NCOA2: variants seen among roughly 807,000 people sequenced by gnomAD.
NCOA2 encodes the protein class E basic helix-loop-helix protein 75.
NCOA2 carries 21 observed loss-of-function variants against 145.1 expected under a neutral mutation model. That is an observed-to-expected ratio of 0.14 (90% CI 0.10 to 0.21). The LOEUF (loss-of-function observed/expected upper bound fraction) is 0.21. NCOA2 is among the 10% of genes least tolerant of loss of function. The pLI, the probability that NCOA2 is intolerant of heterozygous loss-of-function variation, is 1.00. For missense variants in NCOA2, 1,472 were observed against 1,837.6 expected, an observed-to-expected ratio of 0.80 and a Z score of 3.64; for synonymous variants, 619 against 637.5, an observed-to-expected ratio of 0.97 and a Z score of 0.44.
chr8:70,359,213 G>A (rs933441022), intron 1 of NCOA2, among the ~76,000 whole-genome samples: 1 of 152,136 alleles, frequency 6.6e-6, no homozygotes, highest in Non-Finnish European at 1.5e-5. Context: ...ATATAACCCA[G>A]CAATTCCACT....
chr8:70,454,333 AG>A, the NCOA2 span, among the ~76,000 whole-genome samples: 17 of 152,224 alleles, frequency 1.1e-4, no homozygotes, highest in Admixed American at 4.6e-4. Context: ...ACTGTTCTTG[AG>A]AAAAGAGTGA....
At chr8:70,437,442 A>T in the NCOA2 span, among the ~76,000 whole-genome samples, 1 of 152,252 alleles carries the variant, frequency 6.6e-6, no homozygotes, top group Non-Finnish European at 1.5e-5. Context: ...TATTGAATGA[A>T]TACATGAATT....
rs79410761 is a variant in NCOA2, at chr8:70,213,118, C to T, written c.259+785G>A. ...CCAAAAAAAAAAAAAAAAAACCACA[C>T]CAGATTACAAAAGATAATAATCTCC... is the stretch of plus-strand genomic sequence containing the variant. On this transcript the variant is annotated intron_variant, in intron 4 of 22. Transcript: ENST00000452400. Among the ~76,000 whole-genome samples, 547 of 148,128 alleles carry T rather than the reference C, an allele frequency of 3.7e-3. 9 individuals carry two copies. Among genetic ancestry groups the T allele is most frequent in the African/African-American group, 0.013 (532 of 40,272 alleles).
chr8:70,127,532 C>T (rs371623634), intron 18 of NCOA2, among the ~76,000 whole-genome samples: 2 of 152,086 alleles, frequency 1.3e-5, no homozygotes, highest in African/African-American at 4.8e-5. Flanking sequence ...CTGATAAGAA[C>T]GCACAGAGAC....
intron 1 of NCOA2, among the ~76,000 whole-genome samples, chr8:70,299,070 C>T (rs1182515146): frequency 6.6e-6 from 1 of 151,748 alleles, no homozygotes; most frequent in East Asian, 1.9e-4. Context: ...AAAAAACAAA[C>T]AAACAAACAA....
At chr8:70,253,491 T>C (rs1183994216) in intron 2 of NCOA2, among the ~76,000 whole-genome samples, 1 of 151,990 alleles carries the variant, frequency 6.6e-6, no homozygotes, top group Non-Finnish European at 1.5e-5. Context: ...GGGACAATAG[T>C]TAGGAAGTGT....
At chr8:70,291,161 G>A (rs1156254512) in intron 2 of NCOA2, among the ~76,000 whole-genome samples, 2 of 152,042 alleles carry the variant, frequency 1.3e-5, no homozygotes, top group Non-Finnish European at 2.9e-5. Flanking sequence ...ACAACAAACA[G>A]ATATGTATTT....
At chr8:70,174,654 C>T in intron 5 of NCOA2, 102 bp downstream of exon 5, 1 of 1,084,602 alleles carries the variant, frequency 9.2e-7, no homozygotes, top group Non-Finnish European at 1.4e-6. Context: ...AGTACTAGTA[C>T]TAGTGTGGAT....
At chr8:70,180,185 A>C (rs1815317247) in intron 4 of NCOA2, among the ~76,000 whole-genome samples, 1 of 152,254 alleles carries the variant, frequency 6.6e-6, no homozygotes, top group African/African-American at 2.4e-5. Context: ...TAAAGAAATC[A>C]TAAAATATCT....
intron 1 of NCOA2, among the ~76,000 whole-genome samples, chr8:70,362,122 A>G (rs1428430450): frequency 6.6e-6 from 1 of 152,214 alleles, no homozygotes; most frequent in Non-Finnish European, 1.5e-5. Flanking sequence ...GAGCACAGAT[A>G]TTTACTGTAT....
Position 70,314,823 on chromosome 8 carries a change from C to G in NCOA2, c.-76-18023G>C, listed in dbSNP as rs543248113. Among the ~76,000 whole-genome samples, 32 of 152,256 alleles carry G rather than the reference C, an allele frequency of 2.1e-4. 1 individual carries two copies. The highest frequency in any genetic ancestry group is 7.2e-4 in the African/African-American group (30 of 41,542). ...AGAATTGAACCATGTTTCCTAAGGCCTACAAGAGAAACGCAAGTGTGCTAT... is the reference window on the plus strand; with the variant it reads ...AGAATTGAACCATGTTTCCTAAGGCGTACAAGAGAAACGCAAGTGTGCTAT... On this transcript the variant is annotated intron_variant, in intron 1 of 22. Coordinates refer to ENST00000452400, the MANE Select transcript of NCOA2 (RefSeq NM_006540.4).
At chr8:70,393,972 T>C (rs1332073134) in intron 1 of NCOA2, among the ~76,000 whole-genome samples, 1 of 152,198 alleles carries the variant, frequency 6.6e-6, no homozygotes, top group African/African-American at 2.4e-5. Context: ...TGGTATTACA[T>C]GTAATAGCTT....
intron 1 of NCOA2, among the ~76,000 whole-genome samples, chr8:70,353,407 G>A (rs1809415192): frequency 6.7e-6 from 1 of 149,792 alleles, no homozygotes; most frequent in Admixed American, 6.7e-5. Context: ...GTGCCACCAT[G>A]CCTGGCCAAA....
chr8:70,138,167 T>A (rs1809960505), intron 15 of NCOA2, 36 bp downstream of exon 15: 1 of 1,586,244 alleles, frequency 6.3e-7, no homozygotes, highest in Non-Finnish European at 8.5e-7. Flanking sequence ...TGGACAGGTA[T>A]AAAATAACTG....
intron 2 of NCOA2, among the ~76,000 whole-genome samples, chr8:70,267,431 GCTC>G (rs1340751938): frequency 5.5e-5 from 7 of 126,570 alleles, no homozygotes; most frequent in Non-Finnish European, 1.1e-4. Flanking sequence ...ATAGGGCCTC[GCTC>G]TGTCACCCAG....
chr8:70,376,766 C>T (rs1811701880), intron 1 of NCOA2, among the ~76,000 whole-genome samples: 1 of 152,160 alleles, frequency 6.6e-6, no homozygotes. Context: ...GTTATAGATA[C>T]AGACCAACAC....
Position 70,249,977 on chromosome 8 carries a change from A to AAAAAAAG in NCOA2, c.-19-33214_-19-33213insCTTTTTT, listed in dbSNP as rs751876043. On this transcript the variant is annotated intron_variant, in intron 2 of 22. Coordinates refer to ENST00000452400, the MANE Select transcript of NCOA2 (RefSeq NM_006540.4). ...GAATCTGCCTCCAAAAAAAAAAAAA[A>AAAAAAAG]AAGAAGAAGAAGAAGAAGAAGAAGA... Among the ~76,000 whole-genome samples, 747 of 137,802 alleles carry AAAAAAAG rather than the reference A, an allele frequency of 5.4e-3. 21 individuals carry two copies. Among genetic ancestry groups the AAAAAAAG allele is most frequent in the African/African-American group, 0.017 (611 of 35,950 alleles). 90.4% of individuals were successfully genotyped at this position (137,802 alleles called of 152,430 possible). A position where few individuals can be genotyped will look rare whatever the true frequency, so the allele number is the denominator to read the frequency against.
intron 1 of NCOA2, among the ~76,000 whole-genome samples, chr8:70,397,719 A>T (rs1314979834): frequency 6.6e-6 from 1 of 152,236 alleles, no homozygotes; most frequent in African/African-American, 2.4e-5. Context: ...TTCCAGAGGA[A>T]ATAAAACAAA....
chr8:70,167,322 C>T (rs1345584167), intron 6 of NCOA2, among the ~76,000 whole-genome samples: 2 of 152,178 alleles, frequency 1.3e-5, no homozygotes, highest in East Asian at 1.9e-4. Flanking sequence ...ATCCATCTAA[C>T]GGGATCTTCC....
Sources: allele counts gnomAD v4.1 joint callset (sites outside exome capture counted in the v4.1 genomes callset), GRCh38; gene constraint gnomAD v4.1.1; transcripts MANE v1.5; gene names NCBI Gene and HGNC (gene_info 2026-07-23, HGNC 2026-07-21).